DIP2C: variants seen among roughly 807,000 people sequenced by gnomAD.
DIP2C encodes the protein disco-interacting protein 2 homolog C.
In DIP2C, 33 loss-of-function variants were observed where a neutral mutation model predicts 192.4. That is an observed-to-expected ratio of 0.17 (90% CI 0.13 to 0.23). DIP2C has a LOEUF of 0.23. DIP2C is among the 10% of genes least tolerant of loss of function. The pLI, the probability that DIP2C is intolerant of heterozygous loss-of-function variation, is 1.00. For synonymous variants in DIP2C, 979 were observed against 864.1 expected, an observed-to-expected ratio of 1.13 and a Z score of -2.33; for missense variants, 1,537 against 2,110.1, an observed-to-expected ratio of 0.73 and a Z score of 5.32.
At chr10:437,965 T>A (rs1017660091) in intron 4 of DIP2C, 1 of 152,224 alleles carries the variant, frequency 6.6e-6, no homozygotes, top group Non-Finnish European at 1.5e-5. Flanking sequence ...GTAATAAACA[T>A]GCAGACTACT....
intron 3 of DIP2C, among the ~76,000 whole-genome samples, chr10:453,230 A>ATT (rs1968996653): frequency 6.6e-6 from 1 of 152,232 alleles, no homozygotes; most frequent in Non-Finnish European, 1.5e-5. Context: ...CAAAGCCTTA[A>ATT]TTACAAATGC....
chr10:687,451 C>T (rs574262373), intron 1 of DIP2C, among the ~76,000 whole-genome samples: 2 of 152,188 alleles, frequency 1.3e-5, no homozygotes, highest in Admixed American at 6.5e-5. Flanking sequence ...AATAGAGCCA[C>T]GGAGCAACCC....
At chr10:521,371 T>TA (rs1846697067) in intron 1 of DIP2C, among the ~76,000 whole-genome samples, 1 of 152,172 alleles carries the variant, frequency 6.6e-6, no homozygotes, top group Non-Finnish European at 1.5e-5. Flanking sequence ...TCCCCAAGTC[T>TA]AAGAGAAGGC....
At chr10:298,182 CCT>C (rs1955851727) in intron 32 of DIP2C, among the ~76,000 whole-genome samples, 1 of 152,186 alleles carries the variant, frequency 6.6e-6, no homozygotes, top group South Asian at 2.1e-4. Flanking sequence ...GTCACGTCTC[CCT>C]GAGTTCCTAT....
At chr10:601,748 C>T (rs1852086942) in intron 1 of DIP2C, among the ~76,000 whole-genome samples, 1 of 152,208 alleles carries the variant, frequency 6.6e-6, no homozygotes, top group African/African-American at 2.4e-5. Flanking sequence ...CGAAACTGTT[C>T]TCTCCTTCAC....
At chr10:406,937 G>A (rs61837161) in intron 9 of DIP2C, among the ~76,000 whole-genome samples, 2,082 of 152,076 alleles carry the variant, frequency 0.014, 24 homozygotes, top group Middle Eastern at 0.034. Flanking sequence ...AGGAACAGAA[G>A]ACAGCAGGAA....
At chr10:460,033 C>T (rs1417106968) in intron 3 of DIP2C, among the ~76,000 whole-genome samples, 1 of 147,352 alleles carries the variant, frequency 6.8e-6, no homozygotes, top group Non-Finnish European at 1.5e-5. Context: ...ATCAGGGAAC[C>T]GCGTGCTGCA....
intron 1 of DIP2C, among the ~76,000 whole-genome samples, chr10:512,988 A>G (rs1237065780): frequency 6.6e-6 from 1 of 151,836 alleles, no homozygotes; most frequent in Non-Finnish European, 1.5e-5. Context: ...AAGAACATTC[A>G]GTATTTATAC....
At chr10:291,548 A>T (rs1417174397) in intron 32 of DIP2C, among the ~76,000 whole-genome samples, 2 of 152,242 alleles carry the variant, frequency 1.3e-5, no homozygotes, top group African/African-American at 4.8e-5. Flanking sequence ...TAACATACAC[A>T]TCAGAGGGCT....
chr10:678,103 C>T (rs1160171460), intron 1 of DIP2C, among the ~76,000 whole-genome samples: 7 of 152,324 alleles, frequency 4.6e-5, no homozygotes, highest in African/African-American at 1.7e-4. Flanking sequence ...AGGGTGAGGT[C>T]CTGCTCTTCA....
chr10:576,350 G>C (rs1488780620), intron 1 of DIP2C, among the ~76,000 whole-genome samples: 1 of 152,228 alleles, frequency 6.6e-6, no homozygotes, highest in Admixed American at 6.5e-5. Context: ...TACGTGTGTT[G>C]AAAGGCAATG....
chr10:657,874 T>C (rs1480879275), intron 1 of DIP2C, among the ~76,000 whole-genome samples: 48 of 88,968 alleles, frequency 5.4e-4, no homozygotes, highest in South Asian at 2.0e-3. Context: ...GCTGGACCTG[T>C]CCCTGGACCT....
intron 29 of DIP2C, among the ~76,000 whole-genome samples, chr10:335,133 T>C (rs1255060003): frequency 6.6e-6 from 1 of 152,190 alleles, no homozygotes; most frequent in Non-Finnish European, 1.5e-5. Context: ...TTTGAAACAA[T>C]ACCATTATAC....
chr10:359,243 G>A (rs574128597), intron 22 of DIP2C, among the ~76,000 whole-genome samples: 276 of 152,296 alleles, frequency 1.8e-3, no homozygotes, highest in Middle Eastern at 0.014. Context: ...TCCTCTAGCC[G>A]GCCCCCAGGG....
At chr10:677,920 G>A (rs970625881) in intron 1 of DIP2C, among the ~76,000 whole-genome samples, 1 of 152,216 alleles carries the variant, frequency 6.6e-6, no homozygotes, top group East Asian at 1.9e-4. Context: ...TGCACCCGGC[G>A]TGGTCCAGTG....
intron 1 of DIP2C, among the ~76,000 whole-genome samples, chr10:589,777 T>A (rs1464990295): frequency 6.6e-6 from 1 of 152,216 alleles, no homozygotes; most frequent in Non-Finnish European, 1.5e-5. Context: ...GGCACTGCCC[T>A]ATGCAGAGGT....
rs1466373224 is a variant in DIP2C at position 275,012 on chromosome 10, AAACTCT to A, written c.*2307_*2312del. On this transcript the variant is annotated 3_prime_UTR_variant, in exon 37 of 37. Coordinates refer to ENST00000280886, the MANE Select transcript of DIP2C (RefSeq NM_014974.3). ...TCAGTCCACCAACTCTTTTGAGCCT[AAACTCT>A]AACTAATCAGAGTTGACAGGATGCA... The A allele has an allele frequency of 6.6e-6, 1 of 152,254 alleles. No individual in the cohort carries two copies. Among genetic ancestry groups the A allele is most frequent in the African/African-American group, 2.4e-5 (1 of 41,458 alleles). The allele number at this position is 152,254 out of a possible 1,614,324, so 9.4% of individuals were successfully genotyped here.
At chr10:361,907 C>A (rs190116747) in intron 22 of DIP2C, among the ~76,000 whole-genome samples, 1 of 152,036 alleles carries the variant, frequency 6.6e-6, no homozygotes, top group East Asian at 1.9e-4. Context: ...CCACATTCCC[C>A]GTGTCAATCA....
At chr10:605,154 T>C (rs1483020176) in intron 1 of DIP2C, among the ~76,000 whole-genome samples, 1 of 152,204 alleles carries the variant, frequency 6.6e-6, no homozygotes, top group East Asian at 1.9e-4. Flanking sequence ...GCTTCCCCTC[T>C]GATGCAGAGA....
Sources: allele counts gnomAD v4.1 joint callset (sites outside exome capture counted in the v4.1 genomes callset), GRCh38; gene constraint gnomAD v4.1.1; transcripts MANE v1.5; gene names NCBI Gene and HGNC (gene_info 2026-07-23, HGNC 2026-07-21).